Variants in SCMH1 observed in about 807,000 individuals in gnomAD.
The protein encoded by SCMH1 is Scm polycomb group protein homolog 1.
Under a neutral mutation model 70.8 loss-of-function variants are expected in SCMH1, and 37 were observed. That is an observed-to-expected ratio of 0.52 (90% confidence interval 0.40 to 0.69). SCMH1 has a LOEUF of 0.69. Ranked by LOEUF, SCMH1 falls within the 30% of genes least tolerant of loss-of-function variation. The pLI, the probability that SCMH1 is intolerant of heterozygous loss-of-function variation, is 0.00. For synonymous variants in SCMH1, 292 were observed against 307.4 expected (o/e 0.95, Z 0.52); for missense variants, 607 against 827.3 (o/e 0.73, Z 3.27).
chr1:41,132,119 C>A (rs1053287968), intron 6 of SCMH1, among the ~76,000 whole-genome samples: 1 of 152,158 alleles, frequency 6.6e-6, no homozygotes, highest in Non-Finnish European at 1.5e-5. Context: ...TGAAGAATCG[C>A]GACACTGTCT....
Position 41,058,378 on chromosome 1 carries a change from G to GTTTTTTTTTTTTTTTT in SCMH1, c.1106-9504_1106-9489dup, listed in dbSNP as rs548733204. ...TTAGTATTTATACATTTTCTTTCTT[G>GTTTTTTTTTTTTTTTT]TTTTTTTTTTTTTTTTTTTTTTGAG... On this transcript the variant is annotated intron_variant, in intron 10 of 14. Transcript: ENST00000337495. Among the ~76,000 whole-genome samples the GTTTTTTTTTTTTTTTT allele has an allele frequency of 6.7e-4, 55 of 81,640 alleles. 14 individuals carry two copies. The highest frequency in any genetic ancestry group is 1.1e-3 in the African/African-American group (22 of 19,798). 53.6% of individuals were successfully genotyped at this position (81,640 alleles called of 152,430 possible).
intron 8 of SCMH1, among the ~76,000 whole-genome samples, chr1:41,112,546 A>G (rs560204303): frequency 3.9e-4 from 60 of 152,126 alleles, no homozygotes; most frequent in Admixed American, 3.7e-3. Context: ...TAGTTTTATA[A>G]TAATGATAAT....
At chr1:41,152,943 T>C (rs1214801176) in intron 4 of SCMH1, among the ~76,000 whole-genome samples, 1 of 152,232 alleles carries the variant, frequency 6.6e-6, no homozygotes, top group African/African-American at 2.4e-5. Flanking sequence ...TTAATCAACA[T>C]GACTAGACAG....
chr1:41,160,958 A>G, intron 3 of SCMH1, 60 bp from the exon 4 acceptor site: 1 of 1,467,476 alleles, frequency 6.8e-7, no homozygotes, highest in African/African-American at 1.4e-5. Flanking sequence ...AACATGATGG[A>G]AGGTGAAATT....
chr1:41,205,025 A>G (rs1573042826), intron 1 of SCMH1, among the ~76,000 whole-genome samples: 1 of 152,356 alleles, frequency 6.6e-6, no homozygotes, highest in South Asian at 2.1e-4. Context: ...GATTTCTGAG[A>G]GAAAAACAGT....
intron 1 of SCMH1, among the ~76,000 whole-genome samples, chr1:41,238,160 G>A (rs1662774223): frequency 6.6e-6 from 1 of 152,132 alleles, no homozygotes; most frequent in African/African-American, 2.4e-5. Flanking sequence ...CCAAAGCCTA[G>A]GCTCTTTCCA....
At chr1:41,216,792 A>T (rs754243541) in intron 1 of SCMH1, among the ~76,000 whole-genome samples, 14 of 152,218 alleles carry the variant, frequency 9.2e-5, no homozygotes, top group Non-Finnish European at 1.9e-4. Context: ...TCCAGGAAAC[A>T]TCTCTATTTC....
chr1:41,165,284 G>A (rs757835825), intron 2 of SCMH1, among the ~76,000 whole-genome samples: 1 of 152,024 alleles, frequency 6.6e-6, no homozygotes, highest in Admixed American at 6.6e-5. Flanking sequence ...TTCATATATT[G>A]ATGGACACTT....
rs574713287 is a variant in SCMH1 at position 41,229,214 on chromosome 1, A to G, written c.-118+12845T>C. On this transcript the variant is annotated intron_variant, in intron 1 of 14. Transcript: ENST00000337495. Reference sequence around the variant, plus strand: ...TCCAACCCCCTACCAAAAAAAAAAAAGATTCATTAATTCATTTAACTTTTT... The same window carrying G: ...TCCAACCCCCTACCAAAAAAAAAAAGGATTCATTAATTCATTTAACTTTTT... Among the ~76,000 whole-genome samples the G allele has an allele frequency of 2.6e-5, 4 of 152,200 alleles. No individual in the cohort carries two copies. In the East Asian group the frequency reaches 7.7e-4, roughly 29 times the overall value.
At chr1:41,029,690 C>T (rs1277809932) in intron 13 of SCMH1, among the ~76,000 whole-genome samples, 1 of 152,126 alleles carries the variant, frequency 6.6e-6, no homozygotes, top group Non-Finnish European at 1.5e-5. Flanking sequence ...AATCTGTCCC[C>T]TTCTCTCCCT....
intron 6 of SCMH1, among the ~76,000 whole-genome samples, chr1:41,123,742 G>A (rs182376240): frequency 2.8e-4 from 42 of 152,218 alleles, no homozygotes; most frequent in African/African-American, 9.9e-4. Flanking sequence ...GATAACTGAG[G>A]AGAATCATTC....
intron 10 of SCMH1, among the ~76,000 whole-genome samples, chr1:41,066,688 T>A (rs1654709575): frequency 6.6e-6 from 1 of 152,138 alleles, no homozygotes; most frequent in Non-Finnish European, 1.5e-5. Flanking sequence ...AATCAAGTGA[T>A]CCTCCCACCT....
At chr1:41,038,770 T>A (rs10489522) in intron 12 of SCMH1, among the ~76,000 whole-genome samples, 129,356 of 152,128 alleles carry the variant, frequency 0.85, 55,504 homozygotes, top group East Asian at 0.97. Flanking sequence ...GAGGGTTCTG[T>A]CTCCTATTTT....
rs542898184 is a variant in SCMH1, at chr1:41,148,777, T to C, written c.177+2837A>G. On this transcript the variant is annotated intron_variant, in intron 5 of 14. Coordinates refer to ENST00000337495, the Ensembl canonical transcript of SCMH1. ...TGAATTTCTTGATTCTGTGGACCTATAGTTTTATTTATTTATTTACTTATT... is the reference window on the plus strand; with the variant it reads ...TGAATTTCTTGATTCTGTGGACCTACAGTTTTATTTATTTATTTACTTATT... Among the ~76,000 whole-genome samples, 23 of 152,146 alleles carry C rather than the reference T, an allele frequency of 1.5e-4. No homozygotes were observed. The South Asian group carries it at 4.8e-3, about 32-fold the overall frequency.
chr1:41,102,600 A>T (rs1666889180), intron 8 of SCMH1, among the ~76,000 whole-genome samples: 9 of 152,208 alleles, frequency 5.9e-5, no homozygotes, highest in Admixed American at 5.9e-4. Context: ...TCAGGCTGAT[A>T]AATCTGCAGA....
chr1:41,202,332 C>T (rs2148730879), intron 1 of SCMH1, among the ~76,000 whole-genome samples: 1 of 151,928 alleles, frequency 6.6e-6, no homozygotes, highest in Non-Finnish European at 1.5e-5. Context: ...ACGTGCCCAG[C>T]CTTTTTTTTT....
chr1:41,108,674 AAGAG>A (rs1668580479), intron 8 of SCMH1, among the ~76,000 whole-genome samples: 1 of 152,302 alleles, frequency 6.6e-6, no homozygotes, highest in Admixed American at 6.5e-5. Context: ...AAAGGAGAAA[AAGAG>A]AGGCAGCAGA....
chr1:41,105,946 C>G lies in SCMH1; in HGVS notation c.745+7337G>C, dbSNP rs549133188. Among the ~76,000 whole-genome samples the G allele has an allele frequency of 3.3e-3, 504 of 151,418 alleles. 7 individuals are homozygous for G. The highest frequency in any genetic ancestry group is 0.012 in the African/African-American group (486 of 41,066). On this transcript the variant is annotated intron_variant, in intron 8 of 14. Transcript: ENST00000337495. ...CTGGAGTGCAGTGGCACGATCTTGG[C>G]TCACTGCAACCTCTACCTCCTGGGT...
At chr1:41,140,464 T>C (rs1472009845) in intron 6 of SCMH1, among the ~76,000 whole-genome samples, 1 of 152,120 alleles carries the variant, frequency 6.6e-6, no homozygotes, top group Non-Finnish European at 1.5e-5. Flanking sequence ...AGCTAATTTT[T>C]GTATTTTCAG....
Sources: gnomAD v4.1 joint callset for allele counts (sites outside exome capture counted in the v4.1 genomes callset) on GRCh38, gnomAD v4.1.1 for gene constraint, MANE v1.5 for transcripts, NCBI Gene and HGNC (gene_info 2026-07-23, HGNC 2026-07-21) for gene names.